The following ZFAND2A variants were observed in gnomAD, a reference collection of about 807,000 sequenced individuals.
ZFAND2A encodes zinc finger AN1-type containing 2A, also known as AN1-type zinc finger protein 2A.
A neutral mutation model predicts 11.6 loss-of-function variants in ZFAND2A; 20 were observed. The observed-to-expected ratio is 1.72, with a 90% CI of 1.21 to 2.50. The LOEUF (loss-of-function observed/expected upper bound fraction) is 2.50, where lower values mean the gene tolerates loss of function less well. ZFAND2A is among the 30% of genes most tolerant of loss of function. The pLI, the probability that ZFAND2A is intolerant of heterozygous loss-of-function variation, is 0.00. For synonymous variants in ZFAND2A, 93 were observed against 60.6 expected (o/e 1.54, Z -2.48); for missense variants, 234 against 182.9 (o/e 1.28, Z -1.61).
downstream of ZFAND2A, among the ~76,000 whole-genome samples, chr7:1,150,324 A>G (rs377218932): frequency 6.8e-6 from 1 of 147,534 alleles, no homozygotes; most frequent in African/African-American, 2.6e-5. Flanking sequence ...GTGAAAGCAG[A>G]AAAAAAAAAG....
chr7:1,151,637 T>A (rs569598565), downstream of ZFAND2A, among the ~76,000 whole-genome samples: 7 of 152,142 alleles, frequency 4.6e-5, no homozygotes, highest in East Asian at 1.4e-3. Context: ...TTGGTGCCTG[T>A]AATCCCAGCT....
intron 2 of ZFAND2A, 130 bp from the exon 3 acceptor site, chr7:1,157,880 T>C: frequency 2.6e-6 from 2 of 763,514 alleles, no homozygotes; most frequent in South Asian, 1.8e-5. Flanking sequence ...GGGCCACACA[T>C]GTGAAAACAA....
Position 1,153,150 on chromosome 7 carries a change from G to A in ZFAND2A, c.357C>T (p.His119=), listed in dbSNP as rs537479742. 2.2e-5 allele frequency: 36 copies of A among 1,614,108 alleles called. No individual in the cohort carries two copies. Among genetic ancestry groups the A allele is most frequent in the Non-Finnish European group, 3.0e-5 (35 of 1,180,054 alleles). The change falls in exon 5 of 5, where the codon CAC becomes CAT. Residue 119 remains histidine (H), a synonymous_variant. Transcript: ENST00000316495. ...EMLQMVCAQC[H]GNFCIQHRHP... ...GTCTGTGCTGGATACAGAAGTTGCC[G>A]TGACATTGGGCACATACCATCTGCA...
rs563541130 is a variant in ZFAND2A, at chr7:1,159,017, GA to G, written c.-45-761del. 5.0e-3 allele frequency among the ~76,000 whole-genome samples: 757 copies of G among 152,164 alleles called. 5 individuals carry two copies. Among genetic ancestry groups the G allele is most frequent in the African/African-American group, 0.017 (724 of 41,502 alleles). Reference sequence around the variant, plus strand: ...CCTCCTAGACTGTCGCCTAAGACTGGAACACTCTCGCCCATGGCAAACGTCT... The same window carrying G: ...CCTCCTAGACTGTCGCCTAAGACTGGACACTCTCGCCCATGGCAAACGTCT... On this transcript the variant is annotated intron_variant, in intron 1 of 4. Coordinates refer to ENST00000316495, the MANE Select transcript of ZFAND2A (RefSeq NM_182491.4).
At position 1,152,930 on chromosome 7, in the gene ZFAND2A, T is replaced by G; in HGVS notation, c.*139A>C. 8.3e-7 allele frequency: 1 copy of G among 1,205,826 alleles called. No homozygotes were observed. Among genetic ancestry groups the G allele is most frequent in the East Asian group, 2.6e-5 (1 of 39,120 alleles). 74.7% of individuals were successfully genotyped at this position (1,205,826 alleles called of 1,614,324 possible). ...AATCAACTTCAGCATTCAATTTTAT[T>G]ATAGTCCCATCTCCCTCAACAAACA... On this transcript the variant is annotated 3_prime_UTR_variant, in exon 5 of 5. Transcript: ENST00000316495.
chr7:1,152,213 A>G (rs1232591948), downstream of ZFAND2A: 2 of 1,543,594 alleles, frequency 1.3e-6, no homozygotes, highest in Non-Finnish European at 1.8e-6. Flanking sequence ...GAGCTGCAGC[A>G]CCCCACACAG....
intron 3 of ZFAND2A, among the ~76,000 whole-genome samples, chr7:1,156,736 T>C (rs1193083711): frequency 6.6e-6 from 1 of 152,210 alleles, no homozygotes; most frequent in Non-Finnish European, 1.5e-5. Flanking sequence ...AGCACACCCG[T>C]CTACAGCCCG....
Position 1,157,716 on chromosome 7 carries a change from T to G in ZFAND2A, c.90A>C (p.Gln30His). 2 of 1,562,380 alleles carry G rather than the reference T, an allele frequency of 1.3e-6. No individual in the cohort carries two copies. Among genetic ancestry groups the G allele is most frequent in the African/African-American group, 2.8e-5 (2 of 72,358 alleles). The change falls in exon 3 of 5, where the codon CAA becomes CAC. Residue 30 changes from glutamine (Q) to histidine (H), a missense_variant. By Grantham distance (24) the Gln-to-His change is conservative. Coordinates refer to ENST00000316495, the MANE Select transcript of ZFAND2A (RefSeq NM_182491.4). Reference protein sequence around the residue: ...FLPVKCDACKQDFCKDHFPYA... With the variant: ...FLPVKCDACKHDFCKDHFPYA... ...ATGGAAAATGATCTTTACAGAAATC[T>G]TGTTTACATGCATCACATTTTACTG...
chr7:1,156,562 A>T (rs533713869), intron 3 of ZFAND2A, among the ~76,000 whole-genome samples: 5 of 137,778 alleles, frequency 3.6e-5, no homozygotes, highest in African/African-American at 8.7e-5. Context: ...AGGCCCAGCA[A>T]GGCTAAAAAC....
downstream of ZFAND2A, among the ~76,000 whole-genome samples, chr7:1,152,733 G>A (rs1793423820): frequency 6.6e-6 from 1 of 152,164 alleles, no homozygotes. Context: ...GCCCCGAGAT[G>A]CTGGGGAGAC....
chr7:1,156,635 C>G (rs992528888), intron 3 of ZFAND2A, among the ~76,000 whole-genome samples: 1 of 152,204 alleles, frequency 6.6e-6, no homozygotes, highest in Non-Finnish European at 1.5e-5. Context: ...GGCTAAAAAC[C>G]TGAGCCAGGG....
In ZFAND2A at chr7:1,159,988, A is replaced by G. The variant is rs746211141; in HGVS notation, c.-70T>C. ...CCTGGCTCTCGTCGGGGACCCAGGC[A>G]GCTGAGGTGAGCAGCAGATGGAAGA... On this transcript the variant is annotated 5_prime_UTR_variant, in exon 1 of 5. Coordinates refer to ENST00000316495, the MANE Select transcript of ZFAND2A (RefSeq NM_182491.4). The G allele has an allele frequency of 3.1e-5, 5 of 159,630 alleles. No individual in the cohort carries two copies. The highest frequency in any genetic ancestry group is 7.0e-5 in the Non-Finnish European group (5 of 71,836). 9.9% of individuals were successfully genotyped at this position (159,630 alleles called of 1,614,324 possible).
At chr7:1,149,230 G>A (rs1793353584), downstream of ZFAND2A, among the ~76,000 whole-genome samples, 1 of 152,222 alleles carries the variant, frequency 6.6e-6, no homozygotes, top group South Asian at 2.1e-4. Context: ...TAACGTACCT[G>A]TTTTCCACTG....
chr7:1,157,573 C>A, intron 3 of ZFAND2A, 83 bp downstream of exon 3: 1 of 1,310,680 alleles, frequency 7.6e-7, no homozygotes, highest in Admixed American at 2.5e-5. Context: ...GTTAGCCATA[C>A]GTCGCTAGTC....
At chr7:1,158,591 A>T (rs1328948489) in intron 1 of ZFAND2A, among the ~76,000 whole-genome samples, 3 of 152,212 alleles carry the variant, frequency 2.0e-5, no homozygotes, top group Non-Finnish European at 2.9e-5. Flanking sequence ...TATCCATGGA[A>T]TATACTTGTT....
At chr7:1,159,868 C>T in intron 1 of ZFAND2A, 96 bp downstream of exon 1, 1 of 46,618 alleles carries the variant, frequency 2.1e-5, no homozygotes, top group Non-Finnish European at 5.4e-5. Context: ...TTTCAGCAGC[C>T]GCACTCCTAG....
downstream of ZFAND2A, among the ~76,000 whole-genome samples, chr7:1,151,447 T>C (rs1250412238): frequency 6.6e-6 from 1 of 151,436 alleles, no homozygotes; most frequent in African/African-American, 2.4e-5. Context: ...AGCTGTCTGG[T>C]GTTTGCTGGT....
chr7:1,155,324 A>G, intron 4 of ZFAND2A, 129 bp downstream of exon 4: 7 of 1,308,764 alleles, frequency 5.3e-6, no homozygotes, highest in Non-Finnish European at 6.1e-6. Context: ...GGGATAACGC[A>G]GCGTTAGGAC....
chr7:1,158,121 A>G, intron 2 of ZFAND2A, 37 bp downstream of exon 2: 2 of 1,601,918 alleles, frequency 1.2e-6, no homozygotes, highest in Non-Finnish European at 1.7e-6. Context: ...CCCCCAACAA[A>G]ATACCATTTT....
Sources: gnomAD v4.1 joint callset for allele counts (sites outside exome capture counted in the v4.1 genomes callset) on GRCh38, gnomAD v4.1.1 for gene constraint, MANE v1.5 for transcripts, NCBI Gene and HGNC (gene_info 2026-07-23, HGNC 2026-07-21) for gene names.